CDH18: variants seen among roughly 807,000 people sequenced by gnomAD.
CDH18 encodes cadherin 18.
In CDH18, 31 loss-of-function variants were observed where a neutral mutation model predicts 67.9. That is an observed-to-expected ratio of 0.46 (90% confidence interval 0.34 to 0.62). The LOEUF is 0.62. Ranked by LOEUF, CDH18 falls within the 20% of genes least tolerant of loss-of-function variation. The pLI, the probability that CDH18 is intolerant of heterozygous loss-of-function variation, is 0.01. For missense variants in CDH18, 890 were observed against 975.5 expected (o/e 0.91, Z 1.17); for synonymous variants, 362 against 347.2 (o/e 1.04, Z -0.48).
At chr5:19,569,279 C>T (rs139592710) in intron 8 of CDH18, among the ~76,000 whole-genome samples, 1 of 152,106 alleles carries the variant, frequency 6.6e-6, no homozygotes, top group Non-Finnish European at 1.5e-5. Context: ...AACTACAATT[C>T]TTTCCTTCAT....
chr5:19,865,768 T>C (rs1374896039), intron 2 of CDH18, among the ~76,000 whole-genome samples: 1 of 152,192 alleles, frequency 6.6e-6, no homozygotes, highest in Non-Finnish European at 1.5e-5. Context: ...TCCTCTTTGT[T>C]GTTTATGTAA....
chr5:20,497,092 C>T (rs1173565373), intron 1 of CDH18, among the ~76,000 whole-genome samples: 1 of 151,682 alleles, frequency 6.6e-6, no homozygotes, highest in African/African-American at 2.4e-5. Flanking sequence ...AAAGGAATAG[C>T]CAAGCAAAAG....
intron 1 of CDH18, among the ~76,000 whole-genome samples, chr5:20,503,565 T>C (rs1423602173): frequency 6.6e-5 from 10 of 152,288 alleles, no homozygotes; most frequent in African/African-American, 1.7e-4. Flanking sequence ...TCAGAAATTA[T>C]GGTCAGCAAT....
At chr5:20,376,210 C>T (rs1297256394) in intron 1 of CDH18, among the ~76,000 whole-genome samples, 1 of 149,746 alleles carries the variant, frequency 6.7e-6, no homozygotes, top group Non-Finnish European at 1.5e-5. Context: ...TTTCCTGCCT[C>T]AGCCTCCCGA....
chr5:20,311,220 T>C (rs1043630222), intron 1 of CDH18, among the ~76,000 whole-genome samples: 7 of 152,130 alleles, frequency 4.6e-5, no homozygotes, highest in Admixed American at 4.6e-4. Context: ...AGTTCAACCA[T>C]TGTGGAAGAC....
At chr5:20,247,563 A>G (rs1267602962) in intron 2 of CDH18, among the ~76,000 whole-genome samples, 1 of 152,046 alleles carries the variant, frequency 6.6e-6, no homozygotes, top group Non-Finnish European at 1.5e-5. Context: ...CAAGAGATCG[A>G]GACCATCCTG....
chr5:19,645,389 T>C (rs1355291781), intron 5 of CDH18, among the ~76,000 whole-genome samples: 2 of 152,008 alleles, frequency 1.3e-5, no homozygotes, highest in Non-Finnish European at 2.9e-5. Context: ...TCCAAGAACC[T>C]TAGGAGCGAA....
chr5:19,908,271 T>G (rs1464819263), intron 2 of CDH18, among the ~76,000 whole-genome samples: 2 of 152,106 alleles, frequency 1.3e-5, no homozygotes, highest in Admixed American at 6.6e-5. Flanking sequence ...CAAGAGAATT[T>G]TGGCGTGTTA....
intron 1 of CDH18, among the ~76,000 whole-genome samples, chr5:20,534,259 AAC>A (rs1756582806): frequency 6.6e-6 from 1 of 152,098 alleles, no homozygotes; most frequent in Non-Finnish European, 1.5e-5. Context: ...GTTATTCTTT[AAC>A]ACATATATGA....
At chr5:20,387,985 A>AT (rs1554126388) in intron 1 of CDH18, among the ~76,000 whole-genome samples, 1 of 151,266 alleles carries the variant, frequency 6.6e-6, no homozygotes, top group Middle Eastern at 3.4e-3. Flanking sequence ...TTTATTGAGG[A>AT]TTTTTGCATC....
At chr5:19,620,618 C>A (rs1053896821) in intron 5 of CDH18, among the ~76,000 whole-genome samples, 1 of 152,028 alleles carries the variant, frequency 6.6e-6, no homozygotes, top group African/African-American at 2.4e-5. Context: ...TGGTCACTAT[C>A]TAAGAATTTG....
intron 1 of CDH18, among the ~76,000 whole-genome samples, chr5:20,512,091 C>T (rs28392548): frequency 0.09 from 13,717 of 151,850 alleles, 1,659 homozygotes; most frequent in African/African-American, 0.28. Context: ...GGTGTGCTGG[C>T]AGGCGCATGT....
intron 2 of CDH18, among the ~76,000 whole-genome samples, chr5:19,996,312 T>C (rs1222986781): frequency 6.6e-6 from 1 of 152,110 alleles, no homozygotes; most frequent in African/African-American, 2.4e-5. Flanking sequence ...ATATTTTCAG[T>C]AAATTATCAG....
intron 1 of CDH18, 56 bp from the exon 2 acceptor site, chr5:19,981,234 C>T (rs1400158828): frequency 6.6e-6 from 1 of 152,210 alleles, no homozygotes; most frequent in Admixed American, 6.5e-5. Context: ...AATGTCACCT[C>T]TCTGCTCAGA....
At chr5:20,411,278 T>C (rs1746749140) in intron 1 of CDH18, among the ~76,000 whole-genome samples, 4 of 152,070 alleles carry the variant, frequency 2.6e-5, no homozygotes. Context: ...TAAAACATGA[T>C]AGCTCAGAAA....
intron 1 of CDH18, chr5:20,304,019 A>G (rs1170360856): frequency 2.2e-6 from 3 of 1,347,040 alleles, no homozygotes; most frequent in Non-Finnish European, 3.2e-6. Context: ...CAACTTGGCA[A>G]TAATTCCGCA....
At chr5:20,026,030 C>A (rs1425474836) in intron 2 of CDH18, among the ~76,000 whole-genome samples, 1 of 152,158 alleles carries the variant, frequency 6.6e-6, no homozygotes, top group Non-Finnish European at 1.5e-5. Flanking sequence ...GTTAAATATT[C>A]TAAAACATTG....
intron 1 of CDH18, among the ~76,000 whole-genome samples, chr5:20,331,110 G>A (rs1283949077): frequency 6.6e-6 from 1 of 152,182 alleles, no homozygotes; most frequent in Non-Finnish European, 1.5e-5. Context: ...TAAGAATGGG[G>A]ATAGGGAAAA....
At chr5:19,601,956 A>G (rs1747205542) in intron 6 of CDH18, among the ~76,000 whole-genome samples, 2 of 152,156 alleles carry the variant, frequency 1.3e-5, no homozygotes, top group Admixed American at 6.6e-5. Flanking sequence ...CTTCCTCAAC[A>G]TAATAGAAGC....
Sources: allele counts gnomAD v4.1 joint callset (sites outside exome capture counted in the v4.1 genomes callset), GRCh38; gene constraint gnomAD v4.1.1; transcripts MANE v1.5; gene names NCBI Gene and HGNC (gene_info 2026-07-23, HGNC 2026-07-21).